The following MMP3 variants were observed in gnomAD, a reference collection of about 807,000 sequenced individuals.
MMP3 encodes the protein stromelysin-1.
A neutral mutation model predicts 47.3 loss-of-function variants in MMP3; 46 were observed. That is an observed-to-expected ratio of 0.97 (90% CI 0.77 to 1.24). The LOEUF is 1.24. MMP3 is among the 50% of genes most tolerant of loss of function. MMP3 has a pLI of 0.00. For missense variants in MMP3, 558 were observed against 565.5 expected, an observed-to-expected ratio of 0.99 and a Z score of 0.13; for synonymous variants, 216 against 206.5, an observed-to-expected ratio of 1.05 and a Z score of -0.39.
intron 5 of MMP3, 38 bp from the exon 6 acceptor site, chr11:102,840,290 T>C: frequency 6.2e-7 from 1 of 1,606,454 alleles, no homozygotes; most frequent in Non-Finnish European, 8.5e-7. Context: ...TACGTTTCAA[T>C]ATATGCCCAT....
At chr11:102,840,387 C>A in intron 5 of MMP3, 42 bp downstream of exon 5, 4 of 1,604,264 alleles carry the variant, frequency 2.5e-6, no homozygotes, top group Non-Finnish European at 3.4e-6. Flanking sequence ...TGAAGACCAT[C>A]ATTGCAAAAC....
rs782465369 is a variant in MMP3 at position 102,842,477 on chromosome 11, C to G, written c.453G>C (p.Arg151Ser). ...WEEVTPLTFS[R>S]LYEGEADIMI... ...TTATATCAGCCTCTCCTTCATACAG[C>G]CTGGAGAATGTGAGTGGAGTCACCT... is the stretch of plus-strand genomic sequence containing the variant. The change falls in exon 3 of 10, where the codon AGG (arginine) becomes AGC (serine). Residue 151 changes from arginine (R) to serine (S), a missense_variant. Physicochemically the swap from Arg to Ser is moderately radical, Grantham distance 110. Transcript: ENST00000299855. The G allele has an allele frequency of 1.1e-5, 17 of 1,533,396 alleles. No individual in the cohort carries two copies. The African/African-American group carries it at 2.2e-4, about 20-fold the overall frequency. The allele number at this position is 1,533,396 out of a possible 1,614,324, so 95.0% of individuals were successfully genotyped here. A position where few individuals can be genotyped will look rare whatever the true frequency, so the allele number is the denominator to read the frequency against.
rs140794544 is a variant in MMP3, at chr11:102,842,220, G to A, written c.559C>T (p.Pro187Ser). The A allele has an allele frequency of 6.4e-4, 1,034 of 1,612,766 alleles. 1 individual carries two copies. Among genetic ancestry groups the A allele is most frequent in the Non-Finnish European group, 8.0e-4 (944 of 1,179,416 alleles). Residue 187 changes from proline to serine, a missense_variant, in exon 4 of 10, where the codon CCT becomes TCT. Pro to Ser is a moderately conservative substitution (Grantham distance 74). Coordinates refer to ENST00000299855, the MANE Select transcript of MMP3 (RefSeq NM_002422.5). ...GCATCTCCATTAATCCCTGGCCCAG[G>A]GGCATAGGCATGGGCCAAAACATTT... is the stretch of plus-strand genomic sequence containing the variant. ...PGNVLAHAYA[P>S]GPGINGDAHF...
chr11:102,841,217 TC>T (rs1268776039), intron 4 of MMP3, among the ~76,000 whole-genome samples: 1 of 152,206 alleles, frequency 6.6e-6, no homozygotes, highest in African/African-American at 2.4e-5. Context: ...CAAAATTTTT[TC>T]CTTCATATTT....
Position 102,837,284 on chromosome 11 carries a change from A to C in MMP3, c.1333+14T>G. Reference sequence around the variant, plus strand: ...TCAAGTGCTCTATGGCCAACACAGTAAGTATCCTCTTACCAAATTCTTCAA... The same window carrying C: ...TCAAGTGCTCTATGGCCAACACAGTCAGTATCCTCTTACCAAATTCTTCAA... On this transcript the variant is annotated intron_variant, in intron 9 of 9. Coordinates refer to ENST00000299855, the MANE Select transcript of MMP3 (RefSeq NM_002422.5). This position sits in a 1 kb window ranked among gnomAD's most constrained non-coding sequence, Gnocchi z 4.4. The C allele has an allele frequency of 6.3e-7, 1 of 1,592,908 alleles. No individual in the cohort carries two copies. The highest frequency in any genetic ancestry group is 8.6e-7 in the Non-Finnish European group (1 of 1,160,836).
Position 102,839,203 on chromosome 11 carries a change from A to G in MMP3, c.976T>C (p.Leu326=). ...RKSLRKLEPE[L]HLISSFWPSL... is the part of the protein sequence containing the mutation. ...GGCCAAAATGAAGAGATCAAATGCA[A>G]TTCAGGTTCAAGCTTCCTGAGGGAT... Residue 326 remains leucine, a synonymous_variant, in exon 7 of 10, where the codon TTG becomes CTG. Transcript: ENST00000299855. The G allele has an allele frequency of 1.9e-6, 3 of 1,614,164 alleles. No individual in the cohort carries two copies. The highest frequency in any genetic ancestry group is 2.5e-6 in the Non-Finnish European group (3 of 1,179,996).
chr11:102,842,967 C>G (rs1859037722), intron 1 of MMP3, 51 bp from the exon 2 acceptor site: 1 of 1,440,528 alleles, frequency 6.9e-7, no homozygotes. Context: ...TTTACTATAG[C>G]TATCTATTTA....
At position 102,843,609 on chromosome 11, in the gene MMP3, T is replaced by C; in HGVS notation, c.-63A>G. The C allele has an allele frequency of 7.7e-7, 1 of 1,306,486 alleles. No individual in the cohort carries two copies. Among genetic ancestry groups the C allele is most frequent in the East Asian group, 2.4e-5 (1 of 41,896 alleles). The allele number at this position is 1,306,486 out of a possible 1,614,324, so 80.9% of individuals were successfully genotyped here. ...CCTTGCTGTCTTGCCTGCCTCCTTG[T>C]AGGTCCAACCTCGGGAGCGCAGCTT... On this transcript the variant is annotated 5_prime_UTR_variant, in exon 1 of 10. Coordinates refer to ENST00000299855, the MANE Select transcript of MMP3 (RefSeq NM_002422.5).
chr11:102,836,407 T>C lies in MMP3; in HGVS notation c.1334-181A>G, dbSNP rs1858882671. 1.5e-6 allele frequency: 1 copy of C among 660,414 alleles called. No individual in the cohort carries two copies. The highest frequency in any genetic ancestry group is 2.9e-6 in the Non-Finnish European group (1 of 350,242). 40.9% of individuals were successfully genotyped at this position (660,414 alleles called of 1,614,324 possible). A position where few individuals can be genotyped will look rare whatever the true frequency, so the allele number is the denominator to read the frequency against. On this transcript the variant is annotated intron_variant, in intron 9 of 9. Coordinates refer to ENST00000299855, the MANE Select transcript of MMP3 (RefSeq NM_002422.5). The surrounding 1 kb of genome is among the most constrained non-coding windows in gnomAD (Gnocchi z 4.6). The stretch of plus-strand genomic sequence containing the variant: ...TTTTCATTTATTTCTGCAACAACCC[T>C]ATGAGGTTGTATGTCTAACTCCATT...
chr11:102,838,806 A>G, intron 7 of MMP3, 96 bp from the exon 8 acceptor site: 2 of 1,382,460 alleles, frequency 1.4e-6, no homozygotes, highest in South Asian at 1.4e-5. Flanking sequence ...TTTCATGGTA[A>G]AGTAGTAGCC....
Position 102,843,587 on chromosome 11 carries a change from T to G in MMP3, c.-41A>C. On this transcript the variant is annotated 5_prime_UTR_variant, in exon 1 of 10. Coordinates refer to ENST00000299855, the MANE Select transcript of MMP3 (RefSeq NM_002422.5). Reference sequence around the variant, plus strand: ...TTAGCTCTATGTTGTCTCTATGCCTTGCTGTCTTGCCTGCCTCCTTGTAGG... The same window carrying G: ...TTAGCTCTATGTTGTCTCTATGCCTGGCTGTCTTGCCTGCCTCCTTGTAGG... 6.5e-7 allele frequency: 1 copy of G among 1,535,616 alleles called. No individual in the cohort carries two copies.
chr11:102,840,624 T>G (rs1555005302), intron 4 of MMP3, 31 bp from the exon 5 acceptor site: 2 of 1,608,038 alleles, frequency 1.2e-6, no homozygotes, highest in Non-Finnish European at 1.7e-6. Flanking sequence ...AATAGTTACT[T>G]ATTTTTTAAA....
Position 102,840,226 on chromosome 11 carries a change from G to A in MMP3, c.817C>T (p.Pro273Ser). 6.2e-7 allele frequency: 1 copy of A among 1,613,970 alleles called. No homozygotes were observed. The highest frequency in any genetic ancestry group is 8.5e-7 in the Non-Finnish European group (1 of 1,179,950). Reference protein sequence around the residue: ...YGPPPDSPETPLVPTEPVPPE... With the variant: ...YGPPPDSPETSLVPTEPVPPE... ...GGGACAGGTTCCGTGGGTACCAGGG[G>A]GGTCTCAGGGGAGTCAGGGGGAGGT... The change falls in exon 6 of 10, where the codon CCC becomes TCC. Residue 273 changes from proline (P) to serine (S), a missense_variant. Pro to Ser is a moderately conservative substitution (Grantham distance 74, BLOSUM62 -1). Transcript: ENST00000299855.
intron 1 of MMP3, 90 bp from the exon 2 acceptor site, chr11:102,843,006 T>G (rs1859038306): frequency 8.7e-7 from 1 of 1,155,004 alleles, no homozygotes; most frequent in Admixed American, 2.9e-5. Flanking sequence ...GCTCACTTCT[T>G]AATCTATTTG....
At position 102,838,542 on chromosome 11, in the gene MMP3, G is replaced by C; in HGVS notation, c.1229+9C>G. On this transcript the variant is annotated intron_variant, in intron 8 of 9. Transcript: ENST00000299855. ...GGCTCCATACAAAGTCATTTCTCTT[G>C]CATCTCACCTCCAGTATTTGTCCTC... 6.2e-7 allele frequency: 1 copy of C among 1,607,502 alleles called. No homozygotes were observed. Among genetic ancestry groups the C allele is most frequent in the Non-Finnish European group, 8.5e-7 (1 of 1,177,556 alleles).
Position 102,836,303 on chromosome 11 carries a change from A to T in MMP3, c.1334-77T>A. 1 of 1,104,976 alleles carries T rather than the reference A, an allele frequency of 9.0e-7. No individual in the cohort carries two copies. The highest frequency in any genetic ancestry group is 1.3e-5 in the South Asian group (1 of 75,864). 68.4% of individuals were successfully genotyped at this position (1,104,976 alleles called of 1,614,324 possible). ...TTGACAATATACAAAACTCAGAATCATAGAGAACTAAAAATAGAAAGTGTT... is the reference window on the plus strand; with the variant it reads ...TTGACAATATACAAAACTCAGAATCTTAGAGAACTAAAAATAGAAAGTGTT... On this transcript the variant is annotated intron_variant, in intron 9 of 9. Transcript: ENST00000299855. This position sits in a 1 kb window ranked among gnomAD's most constrained non-coding sequence, Gnocchi z 4.6.
At chr11:102,839,344 A>C in intron 6 of MMP3, 101 bp from the exon 7 acceptor site, 234 of 1,352,326 alleles carry the variant, frequency 1.7e-4, no homozygotes, top group Middle Eastern at 4.5e-4. Flanking sequence ...CCATTCTCTC[A>C]TCTTCTAGGC....
chr11:102,840,867 A>T (rs1858985520), intron 4 of MMP3, among the ~76,000 whole-genome samples: 1 of 151,610 alleles, frequency 6.6e-6, no homozygotes, highest in Admixed American at 6.6e-5. Flanking sequence ...CCTCACAAGC[A>T]TATTAACTCC....
At position 102,843,470 on chromosome 11, in the gene MMP3, C is replaced by T. The variant is rs1859047762; in HGVS notation, c.77G>A (p.Gly26Asp). 2 of 1,613,534 alleles carry T rather than the reference C, an allele frequency of 1.2e-6. No homozygotes were observed. The highest frequency in any genetic ancestry group is 1.7e-6 in the Non-Finnish European group (2 of 1,179,786). ...AACAAGGTTCATGCTGGTGTCCTCA[C>T]CCCTTGCAGCTCCATCCAATGGATA... Reference protein sequence around the residue: ...SAYPLDGAARGEDTSMNLVQK... With the variant: ...SAYPLDGAARDEDTSMNLVQK... The change falls in exon 1 of 10, where the codon GGT (glycine) becomes GAT (aspartate). Residue 26 changes from glycine to aspartate, a missense_variant. Coordinates refer to ENST00000299855, the MANE Select transcript of MMP3 (RefSeq NM_002422.5).
Sources: allele counts gnomAD v4.1 joint callset (sites outside exome capture counted in the v4.1 genomes callset), GRCh38; gene constraint gnomAD v4.1.1; non-coding constraint Gnocchi (gnomAD v3.1); transcripts MANE v1.5; gene names NCBI Gene and HGNC (gene_info 2026-07-23, HGNC 2026-07-21).